Variants in LYPD6B observed in about 807,000 individuals in gnomAD.
LYPD6B encodes the protein ly6/PLAUR domain-containing protein 6B.
LYPD6B carries 17 observed loss-of-function variants against 22.8 expected under a neutral mutation model. That is an observed-to-expected ratio of 0.75 (90% CI 0.51 to 1.12). The LOEUF is 1.12. LYPD6B is among the 50% of genes most tolerant of loss of function. The pLI is 0.00. For synonymous variants in LYPD6B, 106 were observed against 91.6 expected, an observed-to-expected ratio of 1.16 and a Z score of -0.90; for missense variants, 221 against 258.3, an observed-to-expected ratio of 0.86 and a Z score of 0.99.
At chr2:149,159,812 G>A (rs1359012033) in intron 2 of LYPD6B, among the ~76,000 whole-genome samples, 2 of 152,066 alleles carry the variant, frequency 1.3e-5, no homozygotes, top group African/African-American at 2.4e-5. Context: ...GGGGACCTCA[G>A]TCTTTTTTCT....
chr2:149,062,959 A>C (rs1433130501), intron 1 of LYPD6B, among the ~76,000 whole-genome samples: 1 of 151,004 alleles, frequency 6.6e-6, no homozygotes, highest in African/African-American at 2.4e-5. Context: ...CCTGTAAGCA[A>C]GGCTCGGTAA....
chr2:149,191,483 A>G (rs1692485549), intron 3 of LYPD6B, among the ~76,000 whole-genome samples: 1 of 152,162 alleles, frequency 6.6e-6, no homozygotes, highest in African/African-American at 2.4e-5. Context: ...TGATATAACA[A>G]ATTCTTATAT....
chr2:149,146,821 T>C (rs1689056130), intron 2 of LYPD6B, among the ~76,000 whole-genome samples: 1 of 152,200 alleles, frequency 6.6e-6, no homozygotes, highest in Non-Finnish European at 1.5e-5. Context: ...GCTGTGGGAT[T>C]AGAAGACCCT....
chr2:149,130,867 A>G lies in LYPD6B; in HGVS notation c.-66-16A>G. 4.0e-6 allele frequency: 4 copies of G among 1,009,994 alleles called. No homozygotes were observed. The highest frequency in any genetic ancestry group is 1.3e-5 in the South Asian group (1 of 75,838). 62.6% of individuals were successfully genotyped at this position (1,009,994 alleles called of 1,614,324 possible). Reference sequence around the variant, plus strand: ...ATATCAGTCATAATGATACCTTTTCATGTTCATTTGTTTAGATATGCCACA... The same window carrying G: ...ATATCAGTCATAATGATACCTTTTCGTGTTCATTTGTTTAGATATGCCACA... On this transcript the variant is annotated splice_polypyrimidine_tract_variant and intron_variant, in intron 1 of 6. Coordinates refer to ENST00000409642, the MANE Select transcript of LYPD6B (RefSeq NM_177964.5).
intron 3 of LYPD6B, among the ~76,000 whole-genome samples, chr2:149,203,802 G>T (rs1202235238): frequency 1.3e-5 from 2 of 152,214 alleles, no homozygotes; most frequent in African/African-American, 4.8e-5. Context: ...ACCATCGATA[G>T]GGATGATAGG....
chr2:149,147,675 G>A (rs997706381), intron 2 of LYPD6B, among the ~76,000 whole-genome samples: 1 of 151,886 alleles, frequency 6.6e-6, no homozygotes, highest in Non-Finnish European at 1.5e-5. Flanking sequence ...CACCACGCCC[G>A]GCTAATTTTT....
intron 1 of LYPD6B, among the ~76,000 whole-genome samples, chr2:149,048,977 C>A (rs901010437): frequency 6.6e-6 from 1 of 152,140 alleles, no homozygotes; most frequent in Non-Finnish European, 1.5e-5. Context: ...GTATGGATAT[C>A]GTTTATAAGC....
At position 149,177,173 on chromosome 2, in the gene LYPD6B, C is replaced by T. The variant is rs375305543; in HGVS notation, c.77+16338C>T. Among the ~76,000 whole-genome samples the T allele has an allele frequency of 7.2e-5, 11 of 152,232 alleles. No homozygotes were observed. In the East Asian group the frequency reaches 1.9e-3, roughly 27 times the overall value. Reference sequence around the variant, plus strand: ...CAGCATCTGTGGTTAGAGAAATGGCCCCCAAACACGTGAACTGGGTAAATT... The same window carrying T: ...CAGCATCTGTGGTTAGAGAAATGGCTCCCAAACACGTGAACTGGGTAAATT... On this transcript the variant is annotated intron_variant, in intron 3 of 6. Coordinates refer to ENST00000409642, the MANE Select transcript of LYPD6B (RefSeq NM_177964.5).
At chr2:149,118,807 A>T (rs1483120885) in intron 1 of LYPD6B, among the ~76,000 whole-genome samples, 1 of 152,214 alleles carries the variant, frequency 6.6e-6, no homozygotes, top group African/African-American at 2.4e-5. Context: ...ATTTGAACCC[A>T]GGTCTGTCTG....
intron 3 of LYPD6B, among the ~76,000 whole-genome samples, chr2:149,201,202 G>A (rs1180427700): frequency 6.6e-6 from 1 of 152,096 alleles, no homozygotes; most frequent in African/African-American, 2.4e-5. Flanking sequence ...GGATTCCTTT[G>A]AGATACTCCA....
chr2:149,048,568 G>A (rs942583763), intron 1 of LYPD6B, among the ~76,000 whole-genome samples: 22 of 152,196 alleles, frequency 1.4e-4, no homozygotes, highest in African/African-American at 5.1e-4. Flanking sequence ...TCTGCCTCAA[G>A]TAGACAAGTG....
At chr2:149,214,339 A>G (rs1323316603) in intron 6 of LYPD6B, among the ~76,000 whole-genome samples, 1 of 152,118 alleles carries the variant, frequency 6.6e-6, no homozygotes, top group Admixed American at 6.5e-5. Flanking sequence ...TTAGGATAAA[A>G]GACTTTCAGC....
chr2:149,134,145 A>G (rs539502331), intron 2 of LYPD6B, among the ~76,000 whole-genome samples: 1 of 152,256 alleles, frequency 6.6e-6, no homozygotes, highest in East Asian at 1.9e-4. Flanking sequence ...AAGGAGAGAG[A>G]GAGAGCCCCA....
intron 3 of LYPD6B, among the ~76,000 whole-genome samples, chr2:149,163,704 T>C (rs1015104066): frequency 6.6e-6 from 1 of 152,170 alleles, no homozygotes; most frequent in Non-Finnish European, 1.5e-5. Context: ...TGCTATTTTT[T>C]CCCCCTGTGT....
chr2:149,211,052 A>G (rs190699479), intron 5 of LYPD6B, among the ~76,000 whole-genome samples: 266 of 152,310 alleles, frequency 1.7e-3, no homozygotes, highest in African/African-American at 6.0e-3. Flanking sequence ...GCAGAAGGCA[A>G]AGAGGGAATG....
chr2:149,196,657 T>G (rs1354664057), intron 3 of LYPD6B, among the ~76,000 whole-genome samples: 2 of 152,222 alleles, frequency 1.3e-5, no homozygotes, highest in Non-Finnish European at 2.9e-5. Context: ...GGGACAATTT[T>G]ACAATCTGGC....
chr2:149,213,232 T>G, intron 6 of LYPD6B, 110 bp downstream of exon 6: 13 of 1,400,476 alleles, frequency 9.3e-6, no homozygotes, highest in Non-Finnish European at 1.3e-5. Flanking sequence ...GTTTACATTT[T>G]GAGGAAAGAC....
intron 1 of LYPD6B, among the ~76,000 whole-genome samples, chr2:149,096,425 A>G (rs1349781940): frequency 6.6e-6 from 1 of 152,192 alleles, no homozygotes; most frequent in Non-Finnish European, 1.5e-5. Flanking sequence ...TTAGTTATTG[A>G]ATAGAAAATC....
chr2:149,128,495 G>A (rs890599225), intron 1 of LYPD6B, among the ~76,000 whole-genome samples: 3 of 152,196 alleles, frequency 2.0e-5, no homozygotes, highest in African/African-American at 7.2e-5. Flanking sequence ...GTAATTAGAT[G>A]AGAGAGTCTC....
Sources: allele counts gnomAD v4.1 joint callset (sites outside exome capture counted in the v4.1 genomes callset), GRCh38; gene constraint gnomAD v4.1.1; transcripts MANE v1.5; gene names NCBI Gene and HGNC (gene_info 2026-07-23, HGNC 2026-07-21).